PCDH7: variants seen among roughly 807,000 people sequenced by gnomAD.
PCDH7 encodes protocadherin 7, also known as protocadherin-7.
A neutral mutation model predicts 58.9 loss-of-function variants in PCDH7; 17 were observed. The observed-to-expected ratio is 0.29, with a 90% CI of 0.20 to 0.43. The LOEUF is 0.43. Ranked by LOEUF, PCDH7 falls within the 20% of genes least tolerant of loss-of-function variation. The probability of loss-of-function intolerance (pLI) is 1.00; values close to 1 mark genes in which losing one functional copy is unlikely to be tolerated. For synonymous variants in PCDH7, 664 were observed against 616.4 expected (o/e 1.08, Z -1.14); for missense variants, 1,274 against 1,441.0 (o/e 0.88, Z 1.88).
intron 3 of PCDH7, among the ~76,000 whole-genome samples, chr4:31,056,650 A>G (rs1461220692): frequency 4.1e-5 from 6 of 144,950 alleles, no homozygotes; most frequent in Admixed American, 6.9e-5. Context: ...GAGAGAGAGA[A>G]AGAGAGAGAG....
At chr4:30,867,761 A>G (rs188879240) in intron 1 of PCDH7, among the ~76,000 whole-genome samples, 4 of 152,178 alleles carry the variant, frequency 2.6e-5, no homozygotes, top group African/African-American at 7.2e-5. Context: ...CATATGGATC[A>G]CCTGAGGGGA....
intron 3 of PCDH7, among the ~76,000 whole-genome samples, chr4:31,010,399 A>G (rs1753081723): frequency 6.6e-6 from 1 of 151,904 alleles, no homozygotes; most frequent in South Asian, 2.1e-4. Flanking sequence ...TTCCCTCCTT[A>G]GCTTTAGAGA....
At chr4:31,128,087 ATATATATG>A (rs933332845) in intron 3 of PCDH7, among the ~76,000 whole-genome samples, 4 of 145,790 alleles carry the variant, frequency 2.7e-5, no homozygotes, top group East Asian at 5.0e-4. Flanking sequence ...ATATATATGC[ATATATATG>A]TATATATGTG....
At chr4:30,737,620 C>A (rs1048307326), downstream of PCDH7, among the ~76,000 whole-genome samples, 1 of 152,166 alleles carries the variant, frequency 6.6e-6, no homozygotes, top group African/African-American at 2.4e-5. Context: ...TCACTGTCTT[C>A]AAAGTTACAA....
chr4:30,766,457 G>T (rs1720761250), intron 1 of PCDH7, among the ~76,000 whole-genome samples: 1 of 151,958 alleles, frequency 6.6e-6, no homozygotes, highest in African/African-American at 2.4e-5. Context: ...AAAGTGATTT[G>T]ATCTAACAAG....
At chr4:30,946,859 A>G (rs1746753340) in intron 2 of PCDH7, among the ~76,000 whole-genome samples, 1 of 151,698 alleles carries the variant, frequency 6.6e-6, no homozygotes, top group African/African-American at 2.4e-5. Flanking sequence ...ACAGGCGCCC[A>G]CCACCATGCT....
chr4:30,801,155 G>T (rs1184171114), intron 1 of PCDH7, among the ~76,000 whole-genome samples: 2 of 152,240 alleles, frequency 1.3e-5, no homozygotes, highest in Middle Eastern at 3.4e-3. Context: ...TTAGATGTTG[G>T]GAAAAGATTA....
intron 3 of PCDH7, among the ~76,000 whole-genome samples, chr4:30,958,090 A>C (rs1392769058): frequency 6.6e-6 from 1 of 151,966 alleles, no homozygotes; most frequent in Non-Finnish European, 1.5e-5. Context: ...GATCAAAACT[A>C]GGCAGAACAA....
chr4:30,925,893 T>C (rs921882397), intron 2 of PCDH7: 6 of 152,148 alleles, frequency 3.9e-5, no homozygotes, highest in African/African-American at 7.2e-5. Context: ...TAGAGAAGAA[T>C]TGGCAGTGCT....
intron 1 of PCDH7, among the ~76,000 whole-genome samples, chr4:30,886,502 G>A (rs934846565): frequency 3.5e-5 from 5 of 144,228 alleles, no homozygotes; most frequent in Non-Finnish European, 6.2e-5. Flanking sequence ...TGGAGAAATA[G>A]GAACCCTTTT....
chr4:30,889,341 T>C (rs986453316), intron 1 of PCDH7, among the ~76,000 whole-genome samples: 4 of 147,496 alleles, frequency 2.7e-5, no homozygotes, highest in Non-Finnish European at 6.0e-5. Context: ...GTTACAAAAA[T>C]AATAATAATA....
At chr4:30,802,185 G>T (rs1183940038) in intron 1 of PCDH7, among the ~76,000 whole-genome samples, 3 of 152,278 alleles carry the variant, frequency 2.0e-5, no homozygotes, top group Admixed American at 1.3e-4. Context: ...GTAAGTGAAT[G>T]AATTCATATC....
At chr4:30,994,863 T>G (rs1173188724) in intron 3 of PCDH7, among the ~76,000 whole-genome samples, 3 of 152,194 alleles carry the variant, frequency 2.0e-5, no homozygotes, top group Non-Finnish European at 4.4e-5. Flanking sequence ...AAATCTGGGC[T>G]GTTTAATGTA....
intron 3 of PCDH7, among the ~76,000 whole-genome samples, chr4:31,126,726 T>G (rs1367845542): frequency 6.6e-6 from 1 of 152,204 alleles, no homozygotes; most frequent in Admixed American, 6.5e-5. Flanking sequence ...ATCTGATGAT[T>G]CACTTTAGTA....
chr4:31,041,796 T>C (rs148236727), intron 3 of PCDH7, among the ~76,000 whole-genome samples: 1,753 of 150,624 alleles, frequency 0.012, 28 homozygotes, highest in African/African-American at 0.037. Context: ...TGGCTTGGGC[T>C]ATTTTTTAAA....
intron 1 of PCDH7, among the ~76,000 whole-genome samples, chr4:30,857,688 CA>C (rs901368009): frequency 6.6e-6 from 1 of 152,074 alleles, no homozygotes; most frequent in African/African-American, 2.4e-5. Flanking sequence ...CCTGACAGTT[CA>C]TTAAGTGTGT....
intron 3 of PCDH7, among the ~76,000 whole-genome samples, chr4:31,115,143 A>C (rs1716839837): frequency 6.6e-6 from 1 of 152,324 alleles, no homozygotes; most frequent in African/African-American, 2.4e-5. Context: ...AGACAGTATA[A>C]TACAGTACAA....
At chr4:30,965,155 G>A (rs1008588831) in intron 3 of PCDH7, among the ~76,000 whole-genome samples, 3 of 151,880 alleles carry the variant, frequency 2.0e-5, no homozygotes, top group African/African-American at 7.3e-5. Context: ...TTTAGTACAC[G>A]GTCTTTAAGG....
chr4:30,848,587 A>G (rs1245742791), intron 1 of PCDH7, among the ~76,000 whole-genome samples: 3 of 152,272 alleles, frequency 2.0e-5, no homozygotes, highest in East Asian at 3.9e-4. Context: ...CAAGACTGCT[A>G]GCTTTCAGTA....
Sources: gnomAD v4.1 joint callset for allele counts (sites outside exome capture counted in the v4.1 genomes callset) on GRCh38, gnomAD v4.1.1 for gene constraint, MANE v1.5 for transcripts, NCBI Gene and HGNC (gene_info 2026-07-23, HGNC 2026-07-21) for gene names.